Variants in ACAP3 observed in about 807,000 individuals in gnomAD.
ACAP3 encodes the protein arf-GAP with coiled-coil, ANK repeat and PH domain-containing protein 3.
Under a neutral mutation model 104.1 loss-of-function variants are expected in ACAP3, and 56 were observed. The observed-to-expected ratio is 0.54, with a 90% confidence interval of 0.43 to 0.67. ACAP3 has a LOEUF of 0.67. Ranked by LOEUF, ACAP3 falls within the 30% of genes least tolerant of loss-of-function variation. ACAP3 has a pLI of 0.00. For missense variants in ACAP3, 1,208 were observed against 1,174.9 expected (o/e 1.03, Z -0.41); for synonymous variants, 628 against 496.2 (o/e 1.27, Z -3.53).
rs774277341 is a variant in ACAP3 at position 1,294,734 on chromosome 1, G to A, written c.1896C>T (p.Asp632=). The A allele has an allele frequency of 6.5e-7, 1 of 1,549,582 alleles. No homozygotes were observed. Among genetic ancestry groups the A allele is most frequent in the Admixed American group, 2.0e-5 (1 of 50,962 alleles). The change falls in exon 20 of 24, where the codon GAC becomes GAT. Residue 632 remains aspartate (D), a synonymous_variant. Coordinates refer to ENST00000354700, the MANE Select transcript of ACAP3 (RefSeq NM_030649.3). ...GCCACCCACCCTCCTCAGTGACGCT[G>A]TCCACCACAGAGCCCGAGCCGAAAG... ...VLAFGSGSVV[D]SVTEEEGAES... is the part of the protein sequence containing the mutation.
At chr1:1,299,309 CG>C (rs747273321) in intron 10 of ACAP3, 35 bp downstream of exon 10, 2 of 1,591,604 alleles carry the variant, frequency 1.3e-6, no homozygotes, top group Non-Finnish European at 1.7e-6. Context: ...TGGTCTCCCC[CG>C]ACCCACAGCC....
chr1:1,302,798 C>A (rs565344152), intron 4 of ACAP3, 124 bp downstream of exon 4: 4 of 276,470 alleles, frequency 1.4e-5, no homozygotes, highest in East Asian at 1.6e-4. Context: ...GTGGGATTCC[C>A]CCCCCCCCCG....
Position 1,293,555 on chromosome 1 carries a change from T to C in ACAP3, c.*9A>G, listed in dbSNP as rs1215581044. 2.8e-6 allele frequency: 4 copies of C among 1,421,088 alleles called. No homozygotes were observed. The highest frequency in any genetic ancestry group is 5.1e-5 in the Admixed American group (2 of 39,566). 88.0% of individuals were successfully genotyped at this position (1,421,088 alleles called of 1,614,324 possible). A position where few individuals can be genotyped will look rare whatever the true frequency, so the allele number is the denominator to read the frequency against. On this transcript the variant is annotated 3_prime_UTR_variant, in exon 24 of 24. Transcript: ENST00000354700. The stretch of plus-strand genomic sequence containing the variant: ...CGGGCGGGGTGGCAGCTGCCCGGCC[T>C]GCCCGGCCCTAGCTCTCTTCCAGGT...
In ACAP3 at chr1:1,303,406, A is replaced by C; in HGVS notation, c.106-125T>G. Reference sequence around the variant, plus strand: ...TCCACTCAGGGCGTTGGCACTCAGGACTCAGTGCCCCGGTGCAGCTTCCTC... The same window carrying C: ...TCCACTCAGGGCGTTGGCACTCAGGCCTCAGTGCCCCGGTGCAGCTTCCTC... On this transcript the variant is annotated intron_variant, in intron 2 of 23. Coordinates refer to ENST00000354700, the MANE Select transcript of ACAP3 (RefSeq NM_030649.3). This position sits in a 1 kb window ranked among gnomAD's most constrained non-coding sequence, Gnocchi z 4.0. 1 of 1,226,504 alleles carries C rather than the reference A, an allele frequency of 8.2e-7. No individual in the cohort carries two copies. Among genetic ancestry groups the C allele is most frequent in the Non-Finnish European group, 1.1e-6 (1 of 933,346 alleles). The allele number at this position is 1,226,504 out of a possible 1,614,324, so 76.0% of individuals were successfully genotyped here.
intron 19 of ACAP3, among the ~76,000 whole-genome samples, chr1:1,295,239 C>T (rs1641072030): frequency 6.6e-6 from 1 of 152,152 alleles, no homozygotes; most frequent in African/African-American, 2.4e-5. Context: ...GCTGTGTGCA[C>T]ACACCCAGGT....
At position 1,298,017 on chromosome 1, in the gene ACAP3, T is replaced by G. The variant is rs1557602490; in HGVS notation, c.1012A>C (p.Thr338Pro). The change falls in exon 13 of 24, where the codon ACC becomes CCC. Residue 338 changes from threonine to proline, a missense_variant. By Grantham distance (38) the Thr-to-Pro change is conservative (BLOSUM62 -1). Transcript: ENST00000354700. ...CCCTGGGCTGGGCCTCCTCACTTGGTGGGTGACAGCACCTCGAAGCAGAAC... is the reference window on the plus strand; with the variant it reads ...CCCTGGGCTGGGCCTCCTCACTTGGGGGGTGACAGCACCTCGAAGCAGAAC... ...RRFCFEVLSP[T>P]KSCMLQADSE... is the part of the protein sequence containing the mutation. 2 of 1,611,920 alleles carry G rather than the reference T, an allele frequency of 1.2e-6. No individual in the cohort carries two copies. Among genetic ancestry groups the G allele is most frequent in the Non-Finnish European group, 1.7e-6 (2 of 1,179,568 alleles).
chr1:1,299,640 C>T (rs1022310429), intron 9 of ACAP3, 191 bp downstream of exon 9: 8 of 744,140 alleles, frequency 1.1e-5, no homozygotes, highest in Admixed American at 6.2e-5. Flanking sequence ...ATCCCAGCAG[C>T]GGCCCCACCC....
intron 19 of ACAP3, 88 bp from the exon 20 acceptor site, chr1:1,294,904 CT>C (rs1641049274): frequency 4.5e-6 from 6 of 1,330,858 alleles, no homozygotes; most frequent in Non-Finnish European, 6.2e-6. Context: ...TCCACCCACC[CT>C]CCAGGGGCCA....
chr1:1,303,460 C>CCGGGGGGGGGGGGGTTTGGGGG lies in ACAP3; in HGVS notation c.106-180_106-179insCCCCCAAACCCCCCCCCCCCCG. The CCGGGGGGGGGGGGGTTTGGGGG allele has an allele frequency of 1.3e-6, 1 of 794,602 alleles. No individual in the cohort carries two copies. The highest frequency in any genetic ancestry group is 1.9e-6 in the Non-Finnish European group (1 of 526,640). 49.2% of individuals were successfully genotyped at this position (794,602 alleles called of 1,614,324 possible). A position where few individuals can be genotyped will look rare whatever the true frequency, so the allele number is the denominator to read the frequency against. ...CCTGGGCCTGCCTGGGGCTTGGAGGCCCGTCTGGGAGGGGAGGGTGGGGCC... is the reference window on the plus strand; with the variant it reads ...CCTGGGCCTGCCTGGGGCTTGGAGGCCGGGGGGGGGGGGGTTTGGGGGCCGTCTGGGAGGGGAGGGTGGGGCC... On this transcript the variant is annotated intron_variant, in intron 2 of 23. Coordinates refer to ENST00000354700, the MANE Select transcript of ACAP3 (RefSeq NM_030649.3). The surrounding 1 kb of genome is among the most constrained non-coding windows in gnomAD (Gnocchi z 4.0).
chr1:1,303,678 T>TCCA lies in ACAP3; in HGVS notation c.106-398_106-397insTGG. The TCCA allele has an allele frequency of 2.8e-6, 1 of 357,548 alleles. No individual in the cohort carries two copies. The highest frequency in any genetic ancestry group is 5.4e-5 in the East Asian group (1 of 18,606). The allele number at this position is 357,548 out of a possible 1,614,324, so 22.1% of individuals were successfully genotyped here. A position where few individuals can be genotyped will look rare whatever the true frequency, so the allele number is the denominator to read the frequency against. ...CCCCTCTCCACGGCCTGTTGCCCCC[T>TCCA]CTTTCTCAGCCCATGTGGGGCTCAT... On this transcript the variant is annotated intron_variant, in intron 2 of 23. Coordinates refer to ENST00000354700, the MANE Select transcript of ACAP3 (RefSeq NM_030649.3). The surrounding 1 kb of genome is among the most constrained non-coding windows in gnomAD (Gnocchi z 4.0).
intron 4 of ACAP3, 57 bp downstream of exon 4, chr1:1,302,865 G>T: frequency 6.4e-7 from 1 of 1,559,062 alleles, no homozygotes; most frequent in Non-Finnish European, 8.7e-7. Context: ...AGGTGAGCCA[G>T]CGCAGCTCGG....
intron 15 of ACAP3, 25 bp downstream of exon 15, chr1:1,296,400 C>T (rs1395098286): frequency 6.5e-7 from 1 of 1,531,904 alleles, no homozygotes; most frequent in African/African-American, 1.6e-5. Context: ...AACCCCCACC[C>T]CCAGCCTGGC....
chr1:1,294,930 AC>A, intron 19 of ACAP3, 114 bp from the exon 20 acceptor site: 1 of 1,001,704 alleles, frequency 1.0e-6, no homozygotes, highest in South Asian at 1.6e-5. Flanking sequence ...TAGGGACAGG[AC>A]CAGCTCCCAC....
intron 10 of ACAP3, 188 bp downstream of exon 10, chr1:1,299,157 C>T: frequency 1.3e-6 from 1 of 745,988 alleles, no homozygotes; most frequent in Non-Finnish European, 2.2e-6. Flanking sequence ...GGGACAGCTG[C>T]CGCCAACCCC....
In ACAP3 at chr1:1,304,280, C is replaced by G. The variant is rs553824641; in HGVS notation, c.48-137G>C. 6.6e-6 allele frequency: 7 copies of G among 1,064,758 alleles called. No individual in the cohort carries two copies. The East Asian group carries it at 1.8e-4, about 28-fold the overall frequency. 66.0% of individuals were successfully genotyped at this position (1,064,758 alleles called of 1,614,324 possible). A position where few individuals can be genotyped will look rare whatever the true frequency, so the allele number is the denominator to read the frequency against. On this transcript the variant is annotated intron_variant, in intron 1 of 23. Coordinates refer to ENST00000354700, the MANE Select transcript of ACAP3 (RefSeq NM_030649.3). Reference sequence around the variant, plus strand: ...AACAGGCTGGGAGACAGACGCCTGCCTGCTACGGGGGCAGGACTGGGACCA... The same window carrying G: ...AACAGGCTGGGAGACAGACGCCTGCGTGCTACGGGGGCAGGACTGGGACCA...
chr1:1,295,165 G>A (rs1325415576), intron 19 of ACAP3, among the ~76,000 whole-genome samples: 4 of 152,238 alleles, frequency 2.6e-5, no homozygotes, highest in South Asian at 2.1e-4. Flanking sequence ...CATGGCTCCA[G>A]AAGGGCCCTA....
rs777703006 is a variant in ACAP3, at chr1:1,300,009, G to C, written c.627C>G (p.His209Gln). Reference sequence around the variant, plus strand: ...GCTTCTTCATGTAGGGGTCCAGCTGGTGCAGGAGGCTGTAGCCCTGCTGGA... The same window carrying C: ...GCTTCTTCATGTAGGGGTCCAGCTGCTGCAGGAGGCTGTAGCCCTGCTGGA... Reference protein sequence around the residue: ...SFFQQGYSLLHQLDPYMKKLA... With the variant: ...SFFQQGYSLLQQLDPYMKKLA... The change falls in exon 8 of 24, where the codon CAC becomes CAG. Residue 209 changes from histidine to glutamine, a missense_variant. By Grantham distance (24) the His-to-Gln change is conservative. Transcript: ENST00000354700. 1 of 1,612,506 alleles carries C rather than the reference G, an allele frequency of 6.2e-7. No individual in the cohort carries two copies. Among genetic ancestry groups the C allele is most frequent in the East Asian group, 2.2e-5 (1 of 44,866 alleles).
At position 1,307,890 on chromosome 1, in the gene ACAP3, C is replaced by G. The variant is rs943626409; in HGVS notation, c.-75G>C. 2.3e-6 allele frequency: 2 copies of G among 880,248 alleles called. No homozygotes were observed. The highest frequency in any genetic ancestry group is 3.7e-5 in the African/African-American group (2 of 54,570). The allele number at this position is 880,248 out of a possible 1,614,324, so 54.5% of individuals were successfully genotyped here. A position where few individuals can be genotyped will look rare whatever the true frequency, so the allele number is the denominator to read the frequency against. On this transcript the variant is annotated 5_prime_UTR_variant, in exon 1 of 24. Transcript: ENST00000354700. ...GGCAGCCGCGCCGGCCCGGACCGCT[C>G]GTCCCGCCCGCGCCGCCTCGGCGCC... is the stretch of plus-strand genomic sequence containing the variant.
chr1:1,301,188 G>A (rs557410967), intron 5 of ACAP3, among the ~76,000 whole-genome samples: 9 of 151,112 alleles, frequency 6.0e-5, no homozygotes, highest in East Asian at 2.0e-4. Flanking sequence ...CTCCCACCTC[G>A]GCCTCCCAAG....
Sources: allele counts gnomAD v4.1 joint callset (sites outside exome capture counted in the v4.1 genomes callset), GRCh38; gene constraint gnomAD v4.1.1; non-coding constraint Gnocchi (gnomAD v3.1); transcripts MANE v1.5; gene names NCBI Gene and HGNC (gene_info 2026-07-23, HGNC 2026-07-21).